Variants in ENTREP1 observed in about 807,000 individuals in gnomAD.
ENTREP1 encodes Friedreich ataxia region gene X123.
chr9:69,326,395 AC>A, the ENTREP1 span, among the ~76,000 whole-genome samples: 9 of 152,040 alleles, frequency 5.9e-5, no homozygotes, highest in Non-Finnish European at 7.4e-5. Context: ...GAGAACCGGG[AC>A]CTGTCATTAT....
chr9:69,360,006 A>G, the ENTREP1 span, among the ~76,000 whole-genome samples: 2 of 147,510 alleles, frequency 1.4e-5, no homozygotes, highest in Non-Finnish European at 3.0e-5. Context: ...TTCAACAGCC[A>G]TTTGAGGTAT....
chr9:69,383,040 T>C, the ENTREP1 span: 11 of 983,524 alleles, frequency 1.1e-5, no homozygotes, highest in Non-Finnish European at 1.3e-5. Context: ...AAAAATCTTG[T>C]GGAGGATTTT....
At chr9:69,380,233 G>A in the ENTREP1 span, 3 of 152,290 alleles carry the variant, frequency 2.0e-5, no homozygotes, top group South Asian at 6.2e-4. Flanking sequence ...CTTTTCAAAA[G>A]GGCTGAATTT....
At chr9:69,325,929 C>T in the ENTREP1 span, among the ~76,000 whole-genome samples, 1 of 151,946 alleles carries the variant, frequency 6.6e-6, no homozygotes, top group South Asian at 2.1e-4. Flanking sequence ...GTGTCTGTTG[C>T]GCGCAGGCTG....
At chr9:69,357,832 AAT>A in the ENTREP1 span, among the ~76,000 whole-genome samples, 3 of 151,952 alleles carry the variant, frequency 2.0e-5, no homozygotes, top group Non-Finnish European at 2.9e-5. Context: ...CCTTGTCTTT[AAT>A]TATTTTTTTT....
chr9:69,349,195 A>G, the ENTREP1 span, among the ~76,000 whole-genome samples: 1 of 138,096 alleles, frequency 7.2e-6, no homozygotes, highest in Admixed American at 7.1e-5. Flanking sequence ...AAAAAAAAAA[A>G]AAAAAAAAAA....
At chr9:69,353,130 C>A in the ENTREP1 span, among the ~76,000 whole-genome samples, 1 of 152,124 alleles carries the variant, frequency 6.6e-6, no homozygotes, top group Non-Finnish European at 1.5e-5. Context: ...GAGTGACACC[C>A]TACCTCTAAG....
the ENTREP1 span, chr9:69,384,142 G>A: frequency 1.5e-6 from 1 of 677,922 alleles, no homozygotes. Flanking sequence ...AGGATCACAT[G>A]AGGCCAGGAG....
chr9:69,328,778 C>T, the ENTREP1 span, among the ~76,000 whole-genome samples: 1 of 152,134 alleles, frequency 6.6e-6, no homozygotes, highest in Non-Finnish European at 1.5e-5. Context: ...GTGTACTGGT[C>T]AATGGTTTTT....
the ENTREP1 span, chr9:69,371,472 T>C: frequency 7.0e-7 from 1 of 1,427,882 alleles, no homozygotes; most frequent in Admixed American, 1.7e-5. Flanking sequence ...TATCTTTTAC[T>C]AACTGTCCAT....
chr9:69,385,877 C>G, the ENTREP1 span: 7 of 1,612,194 alleles, frequency 4.3e-6, no homozygotes, highest in Non-Finnish European at 5.9e-6. Context: ...CTATCAGAAG[C>G]CGGAGAGCCC....
chr9:69,340,636 CGT>C, the ENTREP1 span, among the ~76,000 whole-genome samples: 2 of 120,548 alleles, frequency 1.7e-5, no homozygotes, highest in Non-Finnish European at 3.4e-5. Context: ...TGTGTGTGTG[CGT>C]GCATGTGTGT....
chr9:69,356,890 T>C, the ENTREP1 span, among the ~76,000 whole-genome samples: 2 of 151,942 alleles, frequency 1.3e-5, no homozygotes, highest in Admixed American at 6.6e-5. Flanking sequence ...CCAACTTGAG[T>C]TGAGGAATTA....
the ENTREP1 span, among the ~76,000 whole-genome samples, chr9:69,349,206 A>T: frequency 6.9e-6 from 1 of 144,668 alleles, no homozygotes; most frequent in African/African-American, 2.6e-5. Context: ...AAAAAAAAAA[A>T]AAAAAGAGAA....
chr9:69,345,342 G>T, the ENTREP1 span, among the ~76,000 whole-genome samples: 1 of 152,232 alleles, frequency 6.6e-6, no homozygotes, highest in African/African-American at 2.4e-5. Context: ...TGATGGAGAA[G>T]AAAGAGTATA....
chr9:69,388,256 C>T, the ENTREP1 span: 19 of 1,614,022 alleles, frequency 1.2e-5, no homozygotes, highest in African/African-American at 6.7e-5. Context: ...TAGAGCTTCG[C>T]GATGCAGACC....
the ENTREP1 span, among the ~76,000 whole-genome samples, chr9:69,360,679 G>A: frequency 6.6e-6 from 1 of 152,038 alleles, no homozygotes; most frequent in Non-Finnish European, 1.5e-5. Context: ...ATCTGGACTG[G>A]CTTCCCAGTA....
At chr9:69,375,207 T>G in the ENTREP1 span, among the ~76,000 whole-genome samples, 1 of 152,228 alleles carries the variant, frequency 6.6e-6, no homozygotes, top group Non-Finnish European at 1.5e-5. Flanking sequence ...CCCACTTAAC[T>G]AAACGCTTTG....
the ENTREP1 span, among the ~76,000 whole-genome samples, chr9:69,367,684 TATATATACACATATATATAA>T: frequency 7.4e-4 from 98 of 132,102 alleles, 3 homozygotes; most frequent in East Asian, 1.9e-3. Flanking sequence ...TATATAAATA[TATATATACACATATATATAA>T]ATATATATAT....
Sources: allele counts gnomAD v4.1 joint callset (sites outside exome capture counted in the v4.1 genomes callset), GRCh38; gene constraint gnomAD v4.1.1; transcripts MANE v1.5; gene names NCBI Gene and HGNC (gene_info 2026-07-23, HGNC 2026-07-21).